Variants in CDH4 observed in about 807,000 individuals in gnomAD.
CDH4 encodes the protein cadherin-4.
A neutral mutation model predicts 86.0 loss-of-function variants in CDH4; 33 were observed. That is an observed-to-expected ratio of 0.38 (90% confidence interval 0.29 to 0.51). The LOEUF (loss-of-function observed/expected upper bound fraction) is 0.51, where lower values mean the gene tolerates loss of function less well. CDH4 is among the 20% of genes least tolerant of loss of function. The pLI, the probability that CDH4 is intolerant of heterozygous loss-of-function variation, is 0.86. For synonymous variants in CDH4, 555 were observed against 549.4 expected (o/e 1.01, Z -0.14); for missense variants, 1,114 against 1,307.4 (o/e 0.85, Z 2.28).
chr20:61,565,247 G>GCTCTTGGTGTTGGTTGTGGTC (rs1184162372), intron 2 of CDH4, among the ~76,000 whole-genome samples: 63 of 116,400 alleles, frequency 5.4e-4, no homozygotes, highest in African/African-American at 2.0e-3. Flanking sequence ...TGGTGGCGGT[G>GCTCTTGGTGTTGGTTGTGGTC]CTCTTGGTGA....
At chr20:61,374,698 C>T (rs757885664) in intron 2 of CDH4, among the ~76,000 whole-genome samples, 2 of 152,098 alleles carry the variant, frequency 1.3e-5, no homozygotes, top group Non-Finnish European at 2.9e-5. Context: ...GAGTGGAGTT[C>T]GGACATGCCT....
intron 5 of CDH4, among the ~76,000 whole-genome samples, chr20:61,845,868 C>G (rs1982432078): frequency 6.6e-6 from 1 of 152,248 alleles, no homozygotes; most frequent in Admixed American, 6.5e-5. Context: ...GGGCCCGACC[C>G]TGCAGCTTCT....
At chr20:61,292,706 G>C (rs1385369940) in intron 2 of CDH4, among the ~76,000 whole-genome samples, 1 of 152,274 alleles carries the variant, frequency 6.6e-6, no homozygotes, top group African/African-American at 2.4e-5. Flanking sequence ...ACGCCCTTAT[G>C]CGGAGATTTC....
chr20:61,512,486 T>G (rs989273366), intron 2 of CDH4, among the ~76,000 whole-genome samples: 1 of 152,206 alleles, frequency 6.6e-6, no homozygotes, highest in African/African-American at 2.4e-5. Flanking sequence ...CTGAGTCTAT[T>G]AAAACATCTG....
At chr20:61,924,568 G>GT in intron 11 of CDH4, 92 bp downstream of exon 11, 1 of 1,421,070 alleles carries the variant, frequency 7.0e-7, no homozygotes, top group Non-Finnish European at 9.5e-7. Context: ...GGGAGACCCC[G>GT]AGAGGCCAGC....
intron 3 of CDH4, among the ~76,000 whole-genome samples, chr20:61,772,764 C>T (rs1345639832): frequency 6.6e-6 from 1 of 152,018 alleles, no homozygotes; most frequent in African/African-American, 2.4e-5. Context: ...TTTCTTTTTC[C>T]CGCATTTAAT....
chr20:61,258,340 A>AAAAAAAAAAAAAAAG (rs1353887398), intron 2 of CDH4, among the ~76,000 whole-genome samples: 2 of 121,766 alleles, frequency 1.6e-5, no homozygotes, highest in African/African-American at 6.2e-5. Context: ...AAAAAAAAAA[A>AAAAAAAAAAAAAAAG]AAAAAGAAAA....
intron 2 of CDH4, among the ~76,000 whole-genome samples, chr20:61,447,321 T>A (rs2085356420): frequency 8.0e-6 from 1 of 125,318 alleles, no homozygotes; most frequent in South Asian, 2.6e-4. Flanking sequence ...CACGCCCAGC[T>A]GATTTTTTTT....
intron 2 of CDH4, among the ~76,000 whole-genome samples, chr20:61,414,747 TC>T (rs1048344943): frequency 3.3e-5 from 5 of 152,202 alleles, no homozygotes; most frequent in African/African-American, 1.2e-4. Flanking sequence ...AGAGCTGCAC[TC>T]AGGAAGTCCC....
In CDH4 at chr20:61,708,803, T is replaced by C. The variant is rs923308040; in HGVS notation, c.170-34760T>C. 6.6e-6 allele frequency among the ~76,000 whole-genome samples: 1 copy of C among 152,322 alleles called. No individual in the cohort carries two copies. Among genetic ancestry groups the C allele is most frequent in the African/African-American group, 2.4e-5 (1 of 41,580 alleles). On this transcript the variant is annotated intron_variant, in intron 2 of 15. Coordinates refer to ENST00000614565, the MANE Select transcript of CDH4 (RefSeq NM_001794.5). This position sits in a 1 kb window ranked among gnomAD's most constrained non-coding sequence, Gnocchi z 4.5. ...ACGGGCATCTCCTCTGCAGGCTGTTTGTTAGAGATGAGCACAGAAATCAAT... is the reference window on the plus strand; with the variant it reads ...ACGGGCATCTCCTCTGCAGGCTGTTCGTTAGAGATGAGCACAGAAATCAAT...
chr20:61,413,671 A>G (rs567178746), intron 2 of CDH4, among the ~76,000 whole-genome samples: 1 of 152,204 alleles, frequency 6.6e-6, no homozygotes, highest in African/African-American at 2.4e-5. Context: ...CCTTGCACAT[A>G]GTAGATGCTC....
chr20:61,581,743 T>C (rs1308547176), intron 2 of CDH4, among the ~76,000 whole-genome samples: 1 of 152,212 alleles, frequency 6.6e-6, no homozygotes, highest in East Asian at 1.9e-4. Context: ...TTTGGCTGTC[T>C]GAGCTGTGTT....
chr20:61,328,816 A>T (rs1452947182), intron 2 of CDH4, among the ~76,000 whole-genome samples: 2 of 152,202 alleles, frequency 1.3e-5, no homozygotes. Flanking sequence ...TTAAATAAAT[A>T]AAAAATAGTT....
chr20:61,923,176 G>A lies in CDH4; in HGVS notation c.1375-275G>A, dbSNP rs138877812. Among the ~76,000 whole-genome samples, 149 of 152,364 alleles carry A rather than the reference G, an allele frequency of 9.8e-4. No individual in the cohort carries two copies. In the East Asian group the frequency reaches 0.01, roughly 11 times the overall value. ...AGCGGGGGCTGCAGCCCCCCCAGGA[G>A]GAGCCCAGCTTCTGCCTCAGCCCAG... On this transcript the variant is annotated intron_variant, in intron 9 of 15. Transcript: ENST00000614565.
At chr20:61,674,616 A>G (rs1362704106) in intron 2 of CDH4, among the ~76,000 whole-genome samples, 4 of 152,260 alleles carry the variant, frequency 2.6e-5, no homozygotes, top group Admixed American at 2.6e-4. Flanking sequence ...CACATTCAAA[A>G]AAGTAAAACA....
intron 3 of CDH4, among the ~76,000 whole-genome samples, chr20:61,752,610 G>A (rs771865815): frequency 1.3e-5 from 2 of 152,144 alleles, no homozygotes; most frequent in Non-Finnish European, 2.9e-5. Context: ...ACCAAAAGCT[G>A]GAAACAACAC....
chr20:61,647,688 A>G (rs1249285159), intron 2 of CDH4, among the ~76,000 whole-genome samples: 1 of 151,668 alleles, frequency 6.6e-6, no homozygotes, highest in African/African-American at 2.4e-5. Flanking sequence ...TGGTTTTCCA[A>G]ATGTGGAGAA....
intron 5 of CDH4, among the ~76,000 whole-genome samples, chr20:61,847,175 G>A (rs759708746): frequency 2.0e-4 from 30 of 152,314 alleles, no homozygotes; most frequent in Non-Finnish European, 3.1e-4. Context: ...GGCAGCCTTC[G>A]CATTCCCACC....
chr20:61,612,677 A>G (rs1268901196), intron 2 of CDH4, among the ~76,000 whole-genome samples: 1 of 152,110 alleles, frequency 6.6e-6, no homozygotes, highest in East Asian at 1.9e-4. Context: ...AAAGCCCTTC[A>G]TTCCGATGTT....
Sources: gnomAD v4.1 joint callset for allele counts (sites outside exome capture counted in the v4.1 genomes callset) on GRCh38, gnomAD v4.1.1 for gene constraint, Gnocchi (gnomAD v3.1) non-coding constraint, MANE v1.5 for transcripts, NCBI Gene and HGNC (gene_info 2026-07-23, HGNC 2026-07-21) for gene names.